WDFY3: variants seen among roughly 807,000 people sequenced by gnomAD.
The protein encoded by WDFY3 is WD repeat and FYVE domain containing 3.
WDFY3 carries 66 observed loss-of-function variants against 409.6 expected under a neutral mutation model. The ratio of observed to expected loss-of-function variants is 0.16; its 90% CI spans 0.13 to 0.20. The LOEUF (loss-of-function observed/expected upper bound fraction) is 0.20, where lower values mean the gene tolerates loss of function less well. Ranked by LOEUF, WDFY3 falls within the 10% of genes least tolerant of loss-of-function variation. WDFY3 has a pLI of 1.00. For missense variants in WDFY3, 3,031 were observed against 4,298.1 expected (o/e 0.71, Z 8.24); for synonymous variants, 1,521 against 1,537.1 (o/e 0.99, Z 0.25).
Position 84,739,005 on chromosome 4 carries a change from AT to A in WDFY3, c.6574+4del. The A allele has an allele frequency of 6.2e-7, 1 of 1,613,828 alleles. No homozygotes were observed. The stretch of plus-strand genomic sequence containing the variant: ...TTTAAAAACATCCCAAGTCAAGGCA[AT>A]TACCTTCACTAATATCTTGGCTGTA... On this transcript the variant is annotated splice_donor_region_variant and intron_variant, in intron 40 of 67. Transcript: ENST00000295888.
At chr4:84,749,000 T>C (rs1043556665) in intron 36 of WDFY3, among the ~76,000 whole-genome samples, 1 of 152,062 alleles carries the variant, frequency 6.6e-6, no homozygotes, top group Non-Finnish European at 1.5e-5. Context: ...CAAGCGATCC[T>C]TCCACCTTAG....
intron 53 of WDFY3, among the ~76,000 whole-genome samples, chr4:84,708,529 C>T (rs150358125): frequency 1.3e-5 from 2 of 151,758 alleles, no homozygotes; most frequent in East Asian, 1.9e-4. Context: ...TTTAGGCAAC[C>T]GTAGTTTTTT....
At chr4:84,756,865 T>C (rs1020441459) in intron 33 of WDFY3, 61 bp downstream of exon 33, 1 of 1,491,056 alleles carries the variant, frequency 6.7e-7, no homozygotes, top group Non-Finnish European at 9.2e-7. Flanking sequence ...GATTATCCAT[T>C]ATCCTACGGT....
intron 3 of WDFY3, among the ~76,000 whole-genome samples, chr4:84,872,201 T>C (rs1180729831): frequency 6.6e-6 from 1 of 152,014 alleles, no homozygotes; most frequent in African/African-American, 2.4e-5. Context: ...GCGCGGTGGC[T>C]CATTCCTGAA....
chr4:84,829,218 T>C, intron 8 of WDFY3, 28 bp from the exon 9 acceptor site: 2 of 1,495,206 alleles, frequency 1.3e-6, no homozygotes, highest in Non-Finnish European at 1.8e-6. Context: ...TAAATAAATA[T>C]GCATTATTCC....
rs145513345 is a variant in WDFY3 at position 84,688,258 on chromosome 4, A to G, written c.9371T>C (p.Leu3124Pro). ...GCAGGTGACGGTATCAGTGTGGCCCAGTAAGGCCTACGAATGAGAACAAAC... is the reference window on the plus strand; with the variant it reads ...GCAGGTGACGGTATCAGTGTGGCCCGGTAAGGCCTACGAATGAGAACAAAC... Reference protein sequence around the residue: ...AKTVTLKQALLGHTDTVTCAT... With the variant: ...AKTVTLKQALPGHTDTVTCAT... The change falls in exon 62 of 68, where the codon CTG becomes CCG. Residue 3124 changes from leucine (L) to proline (P), a missense_variant. This residue lies in a region of WDFY3 where 152 missense variants were observed against 193.5 expected (regional missense o/e 0.79). Transcript: ENST00000295888. 7.4e-6 allele frequency: 12 copies of G among 1,613,252 alleles called. No individual in the cohort carries two copies. The highest frequency in any genetic ancestry group is 9.3e-6 in the Non-Finnish European group (11 of 1,179,722).
chr4:84,680,547 C>T (rs935810823), intron 64 of WDFY3, among the ~76,000 whole-genome samples: 6 of 152,198 alleles, frequency 3.9e-5, no homozygotes, highest in African/African-American at 1.4e-4. Flanking sequence ...CACATCAACT[C>T]TCTACTCTCT....
At position 84,772,693 on chromosome 4, in the gene WDFY3, G is replaced by A; in HGVS notation, c.4849+142C>T. 4 of 655,436 alleles carry A rather than the reference G, an allele frequency of 6.1e-6. No homozygotes were observed. The South Asian group carries it at 8.2e-5, about 13-fold the overall frequency. 40.6% of individuals were successfully genotyped at this position (655,436 alleles called of 1,614,324 possible). A position where few individuals can be genotyped will look rare whatever the true frequency, so the allele number is the denominator to read the frequency against. ...AATATAAGACAAATACATCAGAGAAGGGCCAAAAACGTAATGTAAGGAGAA... is the reference window on the plus strand; with the variant it reads ...AATATAAGACAAATACATCAGAGAAAGGCCAAAAACGTAATGTAAGGAGAA... On this transcript the variant is annotated intron_variant, in intron 30 of 67. Transcript: ENST00000295888.
intron 35 of WDFY3, 31 bp downstream of exon 35, chr4:84,753,666 C>T: frequency 1.3e-6 from 2 of 1,515,792 alleles, no homozygotes; most frequent in Non-Finnish European, 1.8e-6. Flanking sequence ...ATTCTAATTC[C>T]AGTTCTGACA....
At chr4:84,814,028 T>G (rs1174954120) in intron 13 of WDFY3, among the ~76,000 whole-genome samples, 1 of 152,188 alleles carries the variant, frequency 6.6e-6, no homozygotes, top group Admixed American at 6.6e-5. Flanking sequence ...CAATGAAACA[T>G]TTAATTGAAT....
intron 30 of WDFY3, among the ~76,000 whole-genome samples, chr4:84,772,001 T>C (rs573349889): frequency 8.6e-4 from 131 of 152,320 alleles, no homozygotes; most frequent in Non-Finnish European, 1.2e-3. Context: ...CAGGAGAGGC[T>C]GTGCTCGGGA....
chr4:84,694,681 C>T (rs770588247), intron 58 of WDFY3, among the ~76,000 whole-genome samples: 8 of 152,156 alleles, frequency 5.3e-5, no homozygotes, highest in Non-Finnish European at 1.0e-4. Context: ...CCTGTAATCC[C>T]AGCACTTTGG....
At chr4:84,926,892 G>A (rs995600153) in intron 2 of WDFY3, among the ~76,000 whole-genome samples, 3 of 152,096 alleles carry the variant, frequency 2.0e-5, no homozygotes, top group Non-Finnish European at 4.4e-5. Flanking sequence ...AGATAAGAAT[G>A]CCTTCCCCAG....
At chr4:84,833,688 A>AAAGAGAAGAG (rs1553979587) in intron 7 of WDFY3, among the ~76,000 whole-genome samples, 180 of 149,598 alleles carry the variant, frequency 1.2e-3, no homozygotes, top group African/African-American at 3.9e-3. Flanking sequence ...AAAGAAAAGA[A>AAAGAGAAGAG]AAGAGAAGAG....
intron 21 of WDFY3, among the ~76,000 whole-genome samples, chr4:84,793,228 C>T (rs1453619634): frequency 1.3e-5 from 2 of 152,140 alleles, no homozygotes; most frequent in East Asian, 3.9e-4. Context: ...GCTGGAGTGC[C>T]ATGGCACCTT....
intron 2 of WDFY3, among the ~76,000 whole-genome samples, chr4:84,926,441 C>T (rs1451816905): frequency 6.6e-6 from 1 of 151,802 alleles, no homozygotes; most frequent in Non-Finnish European, 1.5e-5. Context: ...TTTTATTTTG[C>T]TACGTATTTT....
At chr4:84,959,026 A>G (rs1454072045) in intron 1 of WDFY3, among the ~76,000 whole-genome samples, 2 of 152,204 alleles carry the variant, frequency 1.3e-5, no homozygotes, top group Non-Finnish European at 2.9e-5. Context: ...ATAATTGACA[A>G]TTATTGACAG....
At chr4:84,870,401 T>C (rs1427938053) in intron 3 of WDFY3, among the ~76,000 whole-genome samples, 3 of 152,218 alleles carry the variant, frequency 2.0e-5, no homozygotes, top group Non-Finnish European at 2.9e-5. Context: ...AAGAAGTCTC[T>C]GCAGCCATGA....
At chr4:84,701,009 C>T (rs1328076181) in intron 56 of WDFY3, among the ~76,000 whole-genome samples, 2 of 152,192 alleles carry the variant, frequency 1.3e-5, no homozygotes, top group African/African-American at 2.4e-5. Context: ...ACTTGGGAGG[C>T]TGCAGCACGA....
Sources: gnomAD v4.1 joint callset for allele counts (sites outside exome capture counted in the v4.1 genomes callset) on GRCh38, gnomAD v4.1.1 for gene constraint, gnomAD v4.1.1 regional missense constraint, MANE v1.5 for transcripts, NCBI Gene and HGNC (gene_info 2026-07-23, HGNC 2026-07-21) for gene names.